Variants in DUSP16 observed in about 807,000 individuals in gnomAD.
DUSP16 encodes the protein dual specificity phosphatase 16, also known as dual specificity protein phosphatase 16.
A neutral mutation model predicts 58.3 loss-of-function variants in DUSP16; 21 were observed. That is an observed-to-expected ratio of 0.36 (90% CI 0.26 to 0.52). The LOEUF is 0.52. Ranked by LOEUF, DUSP16 falls within the 20% of genes least tolerant of loss-of-function variation. The pLI, the probability that DUSP16 is intolerant of heterozygous loss-of-function variation, is 0.94. For missense variants in DUSP16, 726 were observed against 819.0 expected, an observed-to-expected ratio of 0.89 and a Z score of 1.39; for synonymous variants, 320 against 323.8, an observed-to-expected ratio of 0.99 and a Z score of 0.12.
chr12:12,502,233 G>A (rs1163367843), intron 3 of DUSP16, among the ~76,000 whole-genome samples: 1 of 152,162 alleles, frequency 6.6e-6, no homozygotes, highest in African/African-American at 2.4e-5. Flanking sequence ...CCTGTATTAT[G>A]TTTAATTCAA....
chr12:12,482,281 TAAAA>T (rs530289119), intron 5 of DUSP16, among the ~76,000 whole-genome samples: 2 of 152,108 alleles, frequency 1.3e-5, no homozygotes, highest in Non-Finnish European at 2.9e-5. Context: ...GAGATTTTAA[TAAAA>T]AAAGAAGAAG....
chr12:12,560,024 T>C (rs573075501), intron 1 of DUSP16, among the ~76,000 whole-genome samples: 1 of 152,316 alleles, frequency 6.6e-6, no homozygotes, highest in East Asian at 1.9e-4. Context: ...CAATTTTACA[T>C]GTCTATTTTT....
intron 1 of DUSP16, among the ~76,000 whole-genome samples, chr12:12,540,910 G>C (rs889111337): frequency 2.0e-5 from 3 of 150,816 alleles, no homozygotes; most frequent in Admixed American, 6.6e-5. Flanking sequence ...TCTTTCTTCA[G>C]GAGGCAGACA....
chr12:12,538,694 T>C (rs1043685925), intron 1 of DUSP16, among the ~76,000 whole-genome samples: 2 of 152,132 alleles, frequency 1.3e-5, no homozygotes, highest in Non-Finnish European at 2.9e-5. Context: ...AAGTTACAGA[T>C]GAAATGCCAG....
rs73291624 is a variant in DUSP16, at chr12:12,509,560, A to T, written c.368-8878T>A. On this transcript the variant is annotated intron_variant, in intron 3 of 6. Coordinates refer to ENST00000298573, the MANE Select transcript of DUSP16 (RefSeq NM_030640.3). ...TTAGAGGCTCTATAAAATTTATACCAATCATTTGGCAGTACCTACCACTGA... is the reference window on the plus strand; with the variant it reads ...TTAGAGGCTCTATAAAATTTATACCTATCATTTGGCAGTACCTACCACTGA... Among the ~76,000 whole-genome samples the T allele has an allele frequency of 2.8e-3, 430 of 152,086 alleles. 2 individuals carry two copies. Among genetic ancestry groups the T allele is most frequent in the African/African-American group, 9.9e-3 (411 of 41,490 alleles).
At chr12:12,509,337 C>A (rs1013376881) in intron 3 of DUSP16, among the ~76,000 whole-genome samples, 3 of 151,576 alleles carry the variant, frequency 2.0e-5, no homozygotes, top group Non-Finnish European at 4.4e-5. Context: ...ACAAGTTACA[C>A]CTCTTCTATA....
At chr12:12,496,720 T>C (rs530516672) in intron 4 of DUSP16, among the ~76,000 whole-genome samples, 16 of 152,334 alleles carry the variant, frequency 1.1e-4, no homozygotes, top group African/African-American at 3.4e-4. Flanking sequence ...AGAGATTCTT[T>C]CTCAAATCCC....
At position 12,502,726 on chromosome 12, in the gene DUSP16, T is replaced by C. The variant is rs561577376; in HGVS notation, c.368-2044A>G. On this transcript the variant is annotated intron_variant, in intron 3 of 6. Coordinates refer to ENST00000298573, the MANE Select transcript of DUSP16 (RefSeq NM_030640.3). ...ACCACCACCCTCGGCTAATTTTGTA[T>C]TTTTAGTAGAGACGGGGTTTCTCCA... Among the ~76,000 whole-genome samples the C allele has an allele frequency of 9.9e-5, 15 of 152,162 alleles. No homozygotes were observed. In the East Asian group the frequency reaches 2.9e-3, roughly 29 times the overall value.
chr12:12,506,520 G>A (rs1041239240), intron 3 of DUSP16, among the ~76,000 whole-genome samples: 18 of 152,186 alleles, frequency 1.2e-4, no homozygotes, highest in Non-Finnish European at 1.9e-4. Flanking sequence ...TTGGCTCACT[G>A]TCCAATCTTG....
chr12:12,502,261 G>A (rs1427118610), intron 3 of DUSP16, among the ~76,000 whole-genome samples: 1 of 152,146 alleles, frequency 6.6e-6, no homozygotes, highest in African/African-American at 2.4e-5. Flanking sequence ...TCAGCCAGAC[G>A]CCTGTCTCTA....
In DUSP16 at chr12:12,477,648, T is replaced by G; in HGVS notation, c.1183A>C (p.Lys395Gln). Residue 395 changes from lysine (K) to glutamine (Q), a missense_variant, in exon 7 of 7, where the codon AAG becomes CAG. Lys to Gln is a moderately conservative substitution (Grantham distance 53). Coordinates refer to ENST00000298573, the MANE Select transcript of DUSP16 (RefSeq NM_030640.3). This position sits in a 1 kb window ranked among gnomAD's most constrained non-coding sequence, Gnocchi z 4.1. Reference protein sequence around the residue: ...LSADRLEDSNKLKRSFSLDIK... With the variant: ...LSADRLEDSNQLKRSFSLDIK... ...TCCAGAGAGAAGGAACGCTTGAGCT[T>G]ATTGCTGTCTTCCAGCCTGTCTGCG... 6.2e-7 allele frequency: 1 copy of G among 1,614,196 alleles called. No homozygotes were observed. The highest frequency in any genetic ancestry group is 2.2e-5 in the East Asian group (1 of 44,886).
rs569412125 is a variant in DUSP16, at chr12:12,536,818, G to A, written c.-365-15355C>T. On this transcript the variant is annotated intron_variant, in intron 1 of 6. Coordinates refer to ENST00000298573, the MANE Select transcript of DUSP16 (RefSeq NM_030640.3). Reference sequence around the variant, plus strand: ...TTTGGGAGGCCGAGGTGGGCGGATCGCCTGAGGTCGGGAGTTCGAGACCAG... The same window carrying A: ...TTTGGGAGGCCGAGGTGGGCGGATCACCTGAGGTCGGGAGTTCGAGACCAG... Among the ~76,000 whole-genome samples, 447 of 151,936 alleles carry A rather than the reference G, an allele frequency of 2.9e-3. 2 individuals are homozygous for A. The highest frequency in any genetic ancestry group is 4.7e-3 in the Non-Finnish European group (316 of 67,950).
chr12:12,528,274 C>T (rs1944333887), intron 1 of DUSP16, among the ~76,000 whole-genome samples: 1 of 152,102 alleles, frequency 6.6e-6, no homozygotes, highest in Non-Finnish European at 1.5e-5. Flanking sequence ...AATGCTTCCT[C>T]CAGACACGCT....
rs916337374 is a variant in DUSP16, at chr12:12,473,996, G to A, written c.*2837C>T. Among the ~76,000 whole-genome samples, 2 of 152,104 alleles carry A rather than the reference G, an allele frequency of 1.3e-5. No homozygotes were observed. The highest frequency in any genetic ancestry group is 2.1e-4 in the South Asian group (1 of 4,830). The stretch of plus-strand genomic sequence containing the variant: ...TTTTTCACTGTAGTGTGCATTTAAC[G>A]TACACAGTAAAGAATGAAGGCTGGC... On this transcript the variant is annotated 3_prime_UTR_variant, in exon 7 of 7. Coordinates refer to ENST00000298573, the MANE Select transcript of DUSP16 (RefSeq NM_030640.3).
chr12:12,554,801 C>T (rs1944784839), intron 1 of DUSP16: 1 of 151,450 alleles, frequency 6.6e-6, no homozygotes. Flanking sequence ...TCCCAACTGT[C>T]TCAATTAAAA....
chr12:12,529,711 T>G (rs1459719072), intron 1 of DUSP16, among the ~76,000 whole-genome samples: 1 of 152,200 alleles, frequency 6.6e-6, no homozygotes, highest in Non-Finnish European at 1.5e-5. Context: ...ATCCCAGCCT[T>G]TGGTAACCAT....
chr12:12,498,430 T>TTTATTTATTTA lies in DUSP16; in HGVS notation c.531+2088_531+2089insTAAATAAATAA, dbSNP rs1268812411. 1.0e-4 allele frequency among the ~76,000 whole-genome samples: 11 copies of TTTATTTATTTA among 106,268 alleles called. No homozygotes were observed. In the East Asian group the frequency reaches 2.3e-3, roughly 23 times the overall value. 69.7% of individuals were successfully genotyped at this position (106,268 alleles called of 152,430 possible). On this transcript the variant is annotated intron_variant, in intron 4 of 6. Coordinates refer to ENST00000298573, the MANE Select transcript of DUSP16 (RefSeq NM_030640.3). ...TATTTATTTATTTATTTATTTATTT[T>TTTATTTATTTA]TTGAGATAGGGCTTTGCTCTGTCAC...
chr12:12,492,226 T>A (rs1050636189), intron 4 of DUSP16, among the ~76,000 whole-genome samples: 6 of 152,218 alleles, frequency 3.9e-5, no homozygotes, highest in African/African-American at 1.4e-4. Context: ...CTTTCCCATA[T>A]GCCATTCTGT....
chr12:12,523,813 T>C (rs1430988809), intron 1 of DUSP16, among the ~76,000 whole-genome samples: 3 of 152,208 alleles, frequency 2.0e-5, no homozygotes, highest in African/African-American at 7.2e-5. Context: ...CTTCTACTAC[T>C]GGGTTGCCCT....
Sources: gnomAD v4.1 joint callset for allele counts (sites outside exome capture counted in the v4.1 genomes callset) on GRCh38, gnomAD v4.1.1 for gene constraint, Gnocchi (gnomAD v3.1) non-coding constraint, MANE v1.5 for transcripts, NCBI Gene and HGNC (gene_info 2026-07-23, HGNC 2026-07-21) for gene names.